TSPAN9: variants seen among roughly 807,000 people sequenced by gnomAD.
TSPAN9 encodes tetraspanin-9.
In TSPAN9, 16 loss-of-function variants were observed where a neutral mutation model predicts 31.0. The observed-to-expected ratio is 0.52, with a 90% CI of 0.35 to 0.78. The LOEUF (loss-of-function observed/expected upper bound fraction) is 0.78, where lower values mean the gene tolerates loss of function less well. Ranked by LOEUF, TSPAN9 falls within the 30% of genes least tolerant of loss-of-function variation. TSPAN9 has a pLI of 0.01. For synonymous variants in TSPAN9, 145 were observed against 121.6 expected (o/e 1.19, Z -1.27); for missense variants, 272 against 312.5 (o/e 0.87, Z 0.98).
chr12:3,232,358 C>A (rs1398837984), intron 3 of TSPAN9, among the ~76,000 whole-genome samples: 1 of 151,658 alleles, frequency 6.6e-6, no homozygotes, highest in Non-Finnish European at 1.5e-5. Context: ...AATTTTTTAC[C>A]CCACTAAGAG....
chr12:3,252,731 G>A (rs553776442), intron 3 of TSPAN9, among the ~76,000 whole-genome samples: 5 of 152,336 alleles, frequency 3.3e-5, no homozygotes, highest in Admixed American at 1.3e-4. Context: ...GCAGGCATCC[G>A]TGTGGCCTAT....
chr12:3,095,390 C>T (rs1377478278), intron 2 of TSPAN9, among the ~76,000 whole-genome samples: 1 of 150,920 alleles, frequency 6.6e-6, no homozygotes, highest in African/African-American at 2.4e-5. Context: ...GTTGGGTACA[C>T]CTCCCAGACG....
At chr12:3,153,752 C>T (rs948944091) in intron 2 of TSPAN9, among the ~76,000 whole-genome samples, 7 of 151,900 alleles carry the variant, frequency 4.6e-5, no homozygotes, top group Admixed American at 1.3e-4. Context: ...CTGTCTGTTT[C>T]GCTTTCCTAC....
chr12:3,155,874 G>T (rs1017364541), intron 2 of TSPAN9, among the ~76,000 whole-genome samples: 1 of 152,162 alleles, frequency 6.6e-6, no homozygotes, highest in Non-Finnish European at 1.5e-5. Context: ...AGATCTCTAG[G>T]GGGAGATAAA....
intron 2 of TSPAN9, among the ~76,000 whole-genome samples, chr12:3,142,420 A>G (rs2098335297): frequency 1.3e-5 from 2 of 152,058 alleles, no homozygotes; most frequent in Non-Finnish European, 2.9e-5. Flanking sequence ...CCCTTCCCTG[A>G]GAAGGGCTGA....
At chr12:3,246,173 G>A (rs970394530) in intron 3 of TSPAN9, among the ~76,000 whole-genome samples, 1 of 151,784 alleles carries the variant, frequency 6.6e-6, no homozygotes. Flanking sequence ...AAGCAGGAGC[G>A]GGTGAGATTG....
intron 3 of TSPAN9, among the ~76,000 whole-genome samples, chr12:3,216,833 C>T (rs10848827): frequency 0.14 from 21,173 of 152,248 alleles, 1,839 homozygotes; most frequent in African/African-American, 0.24. Context: ...GGCCAAGGCC[C>T]TCATCTCTAG....
intron 2 of TSPAN9, among the ~76,000 whole-genome samples, chr12:3,169,873 T>C (rs2098350783): frequency 6.6e-6 from 1 of 152,070 alleles, no homozygotes; most frequent in Admixed American, 6.5e-5. Flanking sequence ...ACAGAGAAGC[T>C]TAGAGGTGTA....
intron 2 of TSPAN9, among the ~76,000 whole-genome samples, chr12:3,139,032 C>G (rs1036493182): frequency 2.0e-4 from 30 of 152,200 alleles, no homozygotes; most frequent in African/African-American, 6.8e-4. Context: ...CCTGCTCCCC[C>G]ACCCTCCCTA....
intron 2 of TSPAN9, among the ~76,000 whole-genome samples, chr12:3,195,067 G>A (rs912693898): frequency 2.0e-5 from 3 of 152,236 alleles, no homozygotes; most frequent in East Asian, 1.9e-4. Context: ...GGCAGTCAGC[G>A]CTTTGTGTCT....
At chr12:3,118,266 T>TG (rs1565582048) in intron 2 of TSPAN9, among the ~76,000 whole-genome samples, 1 of 105,938 alleles carries the variant, frequency 9.4e-6, no homozygotes, top group Non-Finnish European at 2.0e-5. Context: ...GTTTTTTTTT[T>TG]TTTTTTTTTT....
chr12:3,270,838 A>G (rs1254443930), intron 3 of TSPAN9, among the ~76,000 whole-genome samples: 3 of 152,256 alleles, frequency 2.0e-5, no homozygotes, highest in South Asian at 2.1e-4. Context: ...AGGTATTGTA[A>G]CAGGACTCAC....
chr12:3,188,629 C>T (rs1191804864), intron 2 of TSPAN9, among the ~76,000 whole-genome samples: 1 of 152,156 alleles, frequency 6.6e-6, no homozygotes, highest in Non-Finnish European at 1.5e-5. Flanking sequence ...GGAAGCGCCT[C>T]TTGGGGCCGG....
In TSPAN9 at chr12:3,283,614, A is replaced by G. The variant is rs889920629; in HGVS notation, c.*498A>G. The G allele has an allele frequency of 3.3e-5, 5 of 153,456 alleles. No individual in the cohort carries two copies. Among genetic ancestry groups the G allele is most frequent in the Admixed American group, 6.5e-5 (1 of 15,320 alleles). 9.5% of individuals were successfully genotyped at this position (153,456 alleles called of 1,614,324 possible). ...TCGCCCAGGCTTTTTATACCTTACA[A>G]TGTAACTTTTTTATTTTATTTTACT... On this transcript the variant is annotated 3_prime_UTR_variant, in exon 9 of 9. Coordinates refer to ENST00000011898, the MANE Select transcript of TSPAN9 (RefSeq NM_006675.5).
chr12:3,175,690 G>A (rs1459380646), intron 2 of TSPAN9, among the ~76,000 whole-genome samples: 2 of 152,194 alleles, frequency 1.3e-5, no homozygotes, highest in Non-Finnish European at 2.9e-5. Context: ...GTTGCAGTAA[G>A]TACCTGGCCT....
chr12:3,115,419 A>G (rs7970946), intron 2 of TSPAN9, among the ~76,000 whole-genome samples: 48,610 of 152,098 alleles, frequency 0.32, 7,994 homozygotes, highest in Middle Eastern at 0.45. Flanking sequence ...GTGTGGCCAT[A>G]TGTTTTCAGT....
At chr12:3,190,429 T>C (rs1189055860) in intron 2 of TSPAN9, among the ~76,000 whole-genome samples, 1 of 152,234 alleles carries the variant, frequency 6.6e-6, no homozygotes, top group Non-Finnish European at 1.5e-5. Context: ...GCCTTCTTTC[T>C]CCTGTTTTCC....
chr12:3,178,321 G>A lies in TSPAN9; in HGVS notation c.-17-22856G>A, dbSNP rs536242588. Among the ~76,000 whole-genome samples the A allele has an allele frequency of 8.0e-5, 12 of 149,638 alleles. 1 individual carries two copies. The South Asian group carries it at 1.3e-3, about 16-fold the overall frequency. Reference sequence around the variant, plus strand: ...TTTTTTTTTGAGACAGAGTTGTTTCGCTCTTGTTGCCCAGGCTGGAGTGCA... The same window carrying A: ...TTTTTTTTTGAGACAGAGTTGTTTCACTCTTGTTGCCCAGGCTGGAGTGCA... On this transcript the variant is annotated intron_variant, in intron 2 of 8. Coordinates refer to ENST00000011898, the MANE Select transcript of TSPAN9 (RefSeq NM_006675.5).
At chr12:3,243,748 G>A (rs3782794) in intron 3 of TSPAN9, among the ~76,000 whole-genome samples, 10,705 of 152,252 alleles carry the variant, frequency 0.07, 421 homozygotes, top group Middle Eastern at 0.088. Flanking sequence ...GGGCCATGTA[G>A]GCCCCATTGA....
Sources: gnomAD v4.1 joint callset for allele counts (sites outside exome capture counted in the v4.1 genomes callset) on GRCh38, gnomAD v4.1.1 for gene constraint, MANE v1.5 for transcripts, NCBI Gene and HGNC (gene_info 2026-07-23, HGNC 2026-07-21) for gene names.